Variants in MLLT3 observed in about 807,000 individuals in gnomAD.
The protein encoded by MLLT3 is protein AF-9.
A neutral mutation model predicts 53.2 loss-of-function variants in MLLT3; 4 were observed. The observed-to-expected ratio is 0.08, with a 90% CI of 0.04 to 0.17. MLLT3 has a LOEUF of 0.17. Ranked by LOEUF, MLLT3 falls within the 10% of genes least tolerant of loss-of-function variation. The pLI is 1.00. For synonymous variants in MLLT3, 283 were observed against 230.6 expected (o/e 1.23, Z -2.06); for missense variants, 569 against 684.0 (o/e 0.83, Z 1.87).
intron 5 of MLLT3, among the ~76,000 whole-genome samples, chr9:20,408,449 G>C (rs992335772): frequency 6.6e-6 from 1 of 151,922 alleles, no homozygotes; most frequent in Admixed American, 6.6e-5. Context: ...ACCCAACAAA[G>C]TTAACTTTTG....
In MLLT3 at chr9:20,414,321, GCTGCTGCTGCTGCTGCTGCTGCTA is replaced by G. The variant is rs1563956755; in HGVS notation, c.501_524del (p.Ser183_Ser190del). ...TGCTACTGCTGCTGCTACTGCTGCT[GCTGCTGCTGCTGCTGCTGCTGCTA>G]CTGCTGCTGCTGCTGCTGCTGCTGC... is the stretch of plus-strand genomic sequence containing the variant. On this transcript the variant is annotated inframe_deletion, in exon 5 of 11. Transcript: ENST00000380338. 14 of 1,605,782 alleles carry G rather than the reference GCTGCTGCTGCTGCTGCTGCTGCTA, an allele frequency of 8.7e-6. No homozygotes were observed. Among genetic ancestry groups the G allele is most frequent in the African/African-American group, 1.3e-5 (1 of 74,614 alleles).
At chr9:20,388,581 C>T (rs537121284) in intron 5 of MLLT3, among the ~76,000 whole-genome samples, 3 of 151,804 alleles carry the variant, frequency 2.0e-5, no homozygotes, top group South Asian at 4.2e-4. Context: ...GAGTGAGACT[C>T]GGTCTCAAAA....
chr9:20,374,608 G>T (rs1821705772), intron 5 of MLLT3, among the ~76,000 whole-genome samples: 1 of 152,144 alleles, frequency 6.6e-6, no homozygotes, highest in Non-Finnish European at 1.5e-5. Context: ...TTAAAAGCCA[G>T]AATCAAGAGA....
intron 6 of MLLT3, among the ~76,000 whole-genome samples, chr9:20,365,212 T>A (rs1821419781): frequency 6.6e-6 from 1 of 152,162 alleles, no homozygotes; most frequent in Non-Finnish European, 1.5e-5. Context: ...GCCTCGTACA[T>A]CAGAACAATA....
intron 2 of MLLT3, among the ~76,000 whole-genome samples, chr9:20,539,363 T>C (rs530361270): frequency 2.0e-4 from 31 of 152,350 alleles, no homozygotes; most frequent in African/African-American, 7.0e-4. Context: ...TAGTCCATTT[T>C]CACAGTGCTA....
chr9:20,477,184 A>G (rs1418331081), intron 2 of MLLT3, among the ~76,000 whole-genome samples: 2 of 152,032 alleles, frequency 1.3e-5, no homozygotes, highest in African/African-American at 2.4e-5. Flanking sequence ...TTCCTTTCTT[A>G]TTAAATTCTT....
At chr9:20,500,513 T>C (rs1825195269) in intron 2 of MLLT3, among the ~76,000 whole-genome samples, 1 of 152,182 alleles carries the variant, frequency 6.6e-6, no homozygotes, top group South Asian at 2.1e-4. Context: ...AAATCAACTG[T>C]GAGAAGAGCA....
rs1453439141 is a variant in MLLT3, at chr9:20,588,693, G to A, written c.193+31961C>T. On this transcript the variant is annotated intron_variant, in intron 2 of 10. Transcript: ENST00000380338. ...CCTGTGATTTTTGCACATTGATTTT[G>A]TATCCTGAGACTTTGCTGAAGTTGC... Among the ~76,000 whole-genome samples, 5 of 152,152 alleles carry A rather than the reference G, an allele frequency of 3.3e-5. No individual in the cohort carries two copies. In the East Asian group the frequency reaches 9.6e-4, roughly 29 times the overall value.
chr9:20,595,758 C>T (rs921684882), intron 2 of MLLT3, among the ~76,000 whole-genome samples: 4 of 152,250 alleles, frequency 2.6e-5, no homozygotes, highest in East Asian at 1.9e-4. Context: ...AAGAAAGACA[C>T]GATTTTATAT....
chr9:20,523,777 T>C (rs1818126651), intron 2 of MLLT3, among the ~76,000 whole-genome samples: 1 of 152,216 alleles, frequency 6.6e-6, no homozygotes, highest in African/African-American at 2.4e-5. Context: ...AAGACCAGCC[T>C]GGGCAACATG....
At chr9:20,445,242 T>C (rs1172023049) in intron 4 of MLLT3, among the ~76,000 whole-genome samples, 2 of 152,160 alleles carry the variant, frequency 1.3e-5, no homozygotes, top group Non-Finnish European at 2.9e-5. Flanking sequence ...AAAATAATGT[T>C]TGAATCTAAA....
chr9:20,514,508 ATTTT>A lies in MLLT3; in HGVS notation c.194-57726_194-57723del, dbSNP rs1045327260. On this transcript the variant is annotated intron_variant, in intron 2 of 10. Transcript: ENST00000380338. Reference sequence around the variant, plus strand: ...GCTGTACCATATAGGGGTTTTTATTATTTTTTTATTTTTTTTTTGGTGGTGGAGA... The same window carrying A: ...GCTGTACCATATAGGGGTTTTTATTATTTATTTTTTTTTTGGTGGTGGAGA... 4.6e-5 allele frequency among the ~76,000 whole-genome samples: 7 copies of A among 151,234 alleles called. No individual in the cohort carries two copies. In the East Asian group the frequency reaches 1.2e-3, roughly 25 times the overall value.
At chr9:20,378,251 C>T (rs1053079825) in intron 5 of MLLT3, among the ~76,000 whole-genome samples, 1 of 151,962 alleles carries the variant, frequency 6.6e-6, no homozygotes, top group African/African-American at 2.4e-5. Flanking sequence ...TACAGGTTTA[C>T]AGGGAGAGAT....
At position 20,620,374 on chromosome 9, in the gene MLLT3, C is replaced by G. The variant is rs1263587632; in HGVS notation, c.193+280G>C. ...CTAATTGCACCTTCCCCACAGAACC[C>G]GCGGCTAACCCCAGAGGACTGGTGA... On this transcript the variant is annotated intron_variant, in intron 2 of 10. Transcript: ENST00000380338. The surrounding 1 kb of genome is among the most constrained non-coding windows in gnomAD (Gnocchi z 6.1). Among the ~76,000 whole-genome samples, 1 of 151,926 alleles carries G rather than the reference C, an allele frequency of 6.6e-6. No individual in the cohort carries two copies. The highest frequency in any genetic ancestry group is 1.5e-5 in the Non-Finnish European group (1 of 67,968).
intron 2 of MLLT3, among the ~76,000 whole-genome samples, chr9:20,557,694 G>A (rs1435145541): frequency 6.6e-6 from 1 of 152,042 alleles, no homozygotes; most frequent in Non-Finnish European, 1.5e-5. Flanking sequence ...AATATAATAC[G>A]GTCCATAAAA....
At chr9:20,485,659 T>C (rs1586986349) in intron 2 of MLLT3, among the ~76,000 whole-genome samples, 1 of 152,168 alleles carries the variant, frequency 6.6e-6, no homozygotes, top group East Asian at 1.9e-4. Flanking sequence ...CACAATACAT[T>C]GGCAAGTTTT....
intron 2 of MLLT3, among the ~76,000 whole-genome samples, chr9:20,512,443 C>G (rs902392753): frequency 6.6e-6 from 1 of 152,172 alleles, no homozygotes; most frequent in African/African-American, 2.4e-5. Context: ...AGTGCAAATT[C>G]TCAGGCCCCA....
intron 4 of MLLT3, among the ~76,000 whole-genome samples, chr9:20,424,100 C>T (rs759645508): frequency 6.6e-6 from 1 of 152,008 alleles, no homozygotes; most frequent in Non-Finnish European, 1.5e-5. Flanking sequence ...AAATACTATG[C>T]CATTTTGTAC....
intron 2 of MLLT3, among the ~76,000 whole-genome samples, chr9:20,556,825 AT>A (rs1308319453): frequency 1.3e-5 from 2 of 152,124 alleles, no homozygotes; most frequent in Non-Finnish European, 2.9e-5. Flanking sequence ...ACAATGTTAG[AT>A]TTTTCATCAG....
Sources: gnomAD v4.1 joint callset for allele counts (sites outside exome capture counted in the v4.1 genomes callset) on GRCh38, gnomAD v4.1.1 for gene constraint, Gnocchi (gnomAD v3.1) non-coding constraint, MANE v1.5 for transcripts, NCBI Gene and HGNC (gene_info 2026-07-23, HGNC 2026-07-21) for gene names.